Variants in LDAH observed in about 807,000 individuals in gnomAD.
LDAH encodes lipid droplet-associated hydrolase.
In LDAH, 26 loss-of-function variants were observed where a neutral mutation model predicts 29.6. That is an observed-to-expected ratio of 0.88 (90% CI 0.64 to 1.22). LDAH has a LOEUF of 1.22. Among genes scored for constraint, LDAH ranks in the 50% most tolerant of loss-of-function variants. The pLI is 0.00. For missense variants in LDAH, 344 were observed against 387.3 expected, an observed-to-expected ratio of 0.89 and a Z score of 0.94; for synonymous variants, 117 against 133.0, an observed-to-expected ratio of 0.88 and a Z score of 0.83.
chr2:20,789,173 T>C lies in LDAH; in HGVS notation c.298+1082A>G, dbSNP rs1234417273. ...AGCTGTAATGGTCTGAATGCTTATATGGCCCCCAAATCCATAGGTGAAACC... is the reference window on the plus strand; with the variant it reads ...AGCTGTAATGGTCTGAATGCTTATACGGCCCCCAAATCCATAGGTGAAACC... On this transcript the variant is annotated intron_variant, in intron 3 of 6. Coordinates refer to ENST00000237822, the MANE Select transcript of LDAH (RefSeq NM_021925.4). 4.5e-6 allele frequency: 7 copies of C among 1,550,594 alleles called. No individual in the cohort carries two copies. The South Asian group carries it at 5.9e-5, about 13-fold the overall frequency.
intron 5 of LDAH, among the ~76,000 whole-genome samples, chr2:20,731,067 G>A (rs148468413): frequency 1.2e-3 from 189 of 152,108 alleles, no homozygotes; most frequent in Non-Finnish European, 2.1e-3. Context: ...TAATCATGTC[G>A]ATAGCTACAA....
At chr2:20,795,692 G>T (rs1264891154) in intron 2 of LDAH, among the ~76,000 whole-genome samples, 1 of 151,816 alleles carries the variant, frequency 6.6e-6, no homozygotes, top group Non-Finnish European at 1.5e-5. Flanking sequence ...AAAAAGAAAA[G>T]AAAAGAAAAT....
chr2:20,762,393 A>G (rs1668749382), intron 4 of LDAH, among the ~76,000 whole-genome samples: 1 of 152,206 alleles, frequency 6.6e-6, no homozygotes, highest in Non-Finnish European at 1.5e-5. Flanking sequence ...TCACTCCAAT[A>G]CATCCTTTAC....
chr2:20,701,517 T>C lies in LDAH; in HGVS notation c.786+53A>G, dbSNP rs200497288. 16 of 1,444,738 alleles carry C rather than the reference T, an allele frequency of 1.1e-5. No homozygotes were observed. The East Asian group carries it at 1.8e-4, about 16-fold the overall frequency. The allele number at this position is 1,444,738 out of a possible 1,614,324, so 89.5% of individuals were successfully genotyped here. Reference sequence around the variant, plus strand: ...AACTAGTTCTAGTCCTTTGCCCTCGTATCTCTGCCCATCTACTTATTATCT... The same window carrying C: ...AACTAGTTCTAGTCCTTTGCCCTCGCATCTCTGCCCATCTACTTATTATCT... On this transcript the variant is annotated intron_variant, in intron 6 of 6. Coordinates refer to ENST00000237822, the MANE Select transcript of LDAH (RefSeq NM_021925.4).
chr2:20,717,182 T>C (rs1410164794), intron 5 of LDAH, among the ~76,000 whole-genome samples: 1 of 152,204 alleles, frequency 6.6e-6, no homozygotes, highest in African/African-American at 2.4e-5. Context: ...GAATATTTCA[T>C]AACTTTGGGG....
chr2:20,685,471 G>A lies in LDAH; in HGVS notation c.*1432C>T. 2 of 1,515,266 alleles carry A rather than the reference G, an allele frequency of 1.3e-6. No homozygotes were observed. Among genetic ancestry groups the A allele is most frequent in the South Asian group, 2.6e-5 (2 of 78,410 alleles). The allele number at this position is 1,515,266 out of a possible 1,614,324, so 93.9% of individuals were successfully genotyped here. The stretch of plus-strand genomic sequence containing the variant: ...TAACAGCACTCCTTGTCTGGAGCTT[G>A]GCTTTTCCCCTCTGAGAAGTCACTT... On this transcript the variant is annotated 3_prime_UTR_variant, in exon 7 of 7. Transcript: ENST00000237822.
At chr2:20,703,546 G>A (rs1224827632) in intron 5 of LDAH, among the ~76,000 whole-genome samples, 2 of 151,926 alleles carry the variant, frequency 1.3e-5, no homozygotes, top group African/African-American at 4.8e-5. Context: ...TCTGAATATT[G>A]TTCACTGCTG....
intron 1 of LDAH, among the ~76,000 whole-genome samples, chr2:20,806,168 G>A (rs1672055228): frequency 6.6e-6 from 1 of 152,092 alleles, no homozygotes; most frequent in Non-Finnish European, 1.5e-5. Flanking sequence ...TTGAAAAAGA[G>A]GTAATAAGAT....
At chr2:20,771,245 A>C (rs1396519885) in intron 4 of LDAH, among the ~76,000 whole-genome samples, 2 of 152,188 alleles carry the variant, frequency 1.3e-5, no homozygotes, top group African/African-American at 4.8e-5. Flanking sequence ...AGTTGCCTAT[A>C]ATTAGTTATG....
rs144225122 is a variant in LDAH at position 20,726,575 on chromosome 2, G to A, written c.703+13396C>T. The stretch of plus-strand genomic sequence containing the variant: ...TTCTTCCAAGGGAAAATTCTTCAGC[G>A]GTTATTTATTTATTTCCAGGTTGTT... On this transcript the variant is annotated intron_variant, in intron 5 of 6. Coordinates refer to ENST00000237822, the MANE Select transcript of LDAH (RefSeq NM_021925.4). Among the ~76,000 whole-genome samples the A allele has an allele frequency of 2.0e-4, 31 of 152,270 alleles. 1 individual carries two copies. The East Asian group carries it at 5.4e-3, about 27-fold the overall frequency.
intron 2 of LDAH, among the ~76,000 whole-genome samples, chr2:20,800,106 A>C (rs1315359530): frequency 6.6e-6 from 1 of 152,218 alleles, no homozygotes. Flanking sequence ...GCCTGCCCTT[A>C]AAATCTAGAT....
chr2:20,801,087 A>AACAC lies in LDAH; in HGVS notation c.154+219_154+222dup, dbSNP rs59015178. Among the ~76,000 whole-genome samples the AACAC allele has an allele frequency of 8.8e-3, 1,303 of 148,764 alleles. 21 individuals are homozygous for AACAC. Among genetic ancestry groups the AACAC allele is most frequent in the African/African-American group, 0.03 (1,217 of 40,702 alleles). Reference sequence around the variant, plus strand: ...AGTACATACTTCCAACTGTGACACAAACACACACACACACACACACAACAG... The same window carrying AACAC: ...AGTACATACTTCCAACTGTGACACAAACACACACACACACACACACACACAACAG... On this transcript the variant is annotated intron_variant, in intron 2 of 6. Coordinates refer to ENST00000237822, the MANE Select transcript of LDAH (RefSeq NM_021925.4).
intron 5 of LDAH, among the ~76,000 whole-genome samples, chr2:20,722,536 A>G (rs1252484333): frequency 6.6e-6 from 1 of 152,182 alleles, no homozygotes; most frequent in East Asian, 1.9e-4. Flanking sequence ...CCTGTATTTG[A>G]TAATGCAGTG....
chr2:20,744,522 G>A (rs1667436912), intron 4 of LDAH, among the ~76,000 whole-genome samples: 1 of 152,122 alleles, frequency 6.6e-6, no homozygotes, highest in Non-Finnish European at 1.5e-5. Context: ...TGATGCAGAA[G>A]GTTAGAGCTG....
At chr2:20,752,802 T>C (rs11682554) in intron 4 of LDAH, among the ~76,000 whole-genome samples, 33,323 of 152,160 alleles carry the variant, frequency 0.22, 3,781 homozygotes, top group Admixed American at 0.27. Context: ...GGAGAATCCA[T>C]TCCTTGCTTC....
rs187829746 is a variant in LDAH, at chr2:20,789,077, T to C, written c.298+1178A>G. ...TAAATCTTGCTCCCTTCTGTGCTAC[T>C]CTTTCTGTCTGTTGTACCTCTGCAC... On this transcript the variant is annotated intron_variant, in intron 3 of 6. Transcript: ENST00000237822. 1.8e-3 allele frequency: 2,770 copies of C among 1,521,868 alleles called. 5 individuals carry two copies. Among genetic ancestry groups the C allele is most frequent in the Non-Finnish European group, 2.3e-3 (2,617 of 1,123,514 alleles). The allele number at this position is 1,521,868 out of a possible 1,614,324, so 94.3% of individuals were successfully genotyped here.
At chr2:20,694,827 T>A (rs1663317709) in intron 6 of LDAH, among the ~76,000 whole-genome samples, 2 of 152,234 alleles carry the variant, frequency 1.3e-5, no homozygotes, top group Non-Finnish European at 2.9e-5. Context: ...CCTTTCCGTG[T>A]GGCTAACATG....
At chr2:20,786,339 AC>A (rs1404954211) in intron 3 of LDAH, among the ~76,000 whole-genome samples, 1 of 151,898 alleles carries the variant, frequency 6.6e-6, no homozygotes, top group Non-Finnish European at 1.5e-5. Context: ...ACAGGCTTGC[AC>A]CACCATGCCC....
chr2:20,818,883 T>C (rs2125170972), intron 1 of LDAH, among the ~76,000 whole-genome samples: 2 of 152,276 alleles, frequency 1.3e-5, no homozygotes. Flanking sequence ...GTAGTTGTCT[T>C]TGCTCCTGCT....
Sources: allele counts gnomAD v4.1 joint callset (sites outside exome capture counted in the v4.1 genomes callset), GRCh38; gene constraint gnomAD v4.1.1; transcripts MANE v1.5; gene names NCBI Gene and HGNC (gene_info 2026-07-23, HGNC 2026-07-21).